CHCHD3: variants seen among roughly 807,000 people sequenced by gnomAD.
CHCHD3 encodes the protein coiled-coil-helix-coiled-coil-helix domain containing 3, also known as MICOS complex subunit MIC19.
CHCHD3 carries 20 observed loss-of-function variants against 38.2 expected under a neutral mutation model. The ratio of observed to expected loss-of-function variants is 0.52; its 90% CI spans 0.37 to 0.76. CHCHD3 has a LOEUF of 0.76. CHCHD3 is among the 30% of genes least tolerant of loss of function. The probability of loss-of-function intolerance (pLI) is 0.00; values close to 1 mark genes in which losing one functional copy is unlikely to be tolerated. For missense variants in CHCHD3, 245 were observed against 279.2 expected (o/e 0.88, Z 0.87); for synonymous variants, 82 against 100.0 (o/e 0.82, Z 1.07).
chr7:133,008,850 C>T (rs940642394), intron 3 of CHCHD3, among the ~76,000 whole-genome samples: 2 of 151,990 alleles, frequency 1.3e-5, no homozygotes, highest in African/African-American at 4.8e-5. Flanking sequence ...TTTTCTCTCA[C>T]TTTGTTCCCT....
intron 6 of CHCHD3, among the ~76,000 whole-genome samples, chr7:132,826,738 T>C (rs1807518501): frequency 6.6e-6 from 1 of 152,202 alleles, no homozygotes; most frequent in African/African-American, 2.4e-5. Context: ...ACTCAATAAA[T>C]AGTATGAACA....
intron 4 of CHCHD3, among the ~76,000 whole-genome samples, chr7:132,908,994 G>A (rs965164995): frequency 6.6e-6 from 1 of 152,056 alleles, no homozygotes; most frequent in Non-Finnish European, 1.5e-5. Flanking sequence ...CCCGGTAAGA[G>A]GTAATTGAAT....
At chr7:132,930,140 T>G (rs1197405536) in intron 4 of CHCHD3, among the ~76,000 whole-genome samples, 1 of 151,424 alleles carries the variant, frequency 6.6e-6, no homozygotes, top group Non-Finnish European at 1.5e-5. Context: ...ACTCACTTCC[T>G]CCTTCTTAAC....
chr7:133,018,875 C>T (rs1260986832), intron 3 of CHCHD3, among the ~76,000 whole-genome samples: 31 of 70,162 alleles, frequency 4.4e-4, no homozygotes, highest in Admixed American at 1.4e-3. Context: ...CATGATTTCT[C>T]TTTTTTTTTT....
intron 6 of CHCHD3, among the ~76,000 whole-genome samples, chr7:132,821,788 C>T (rs1156274504): frequency 7.4e-6 from 1 of 135,720 alleles, no homozygotes; most frequent in Non-Finnish European, 1.5e-5. Flanking sequence ...CGGAGTCTCG[C>T]TCTGTCGTCC....
intron 4 of CHCHD3, among the ~76,000 whole-genome samples, chr7:132,935,215 A>G (rs1408795187): frequency 6.6e-6 from 1 of 152,258 alleles, no homozygotes; most frequent in Non-Finnish European, 1.5e-5. Context: ...TAGAAGTACA[A>G]GTACCTGAGG....
In CHCHD3 at chr7:132,998,792, A is replaced by G. The variant is rs182662025; in HGVS notation, c.252-23506T>C. Among the ~76,000 whole-genome samples, 34 of 152,330 alleles carry G rather than the reference A, an allele frequency of 2.2e-4. 1 individual carries two copies. Among genetic ancestry groups the G allele is most frequent in the Admixed American group, 1.8e-3 (27 of 15,296 alleles). ...AAGTACCTAATCTAAAATATCACAC[A>G]GCAAAGTTGGTCAATGAGTCAATTT... On this transcript the variant is annotated intron_variant, in intron 3 of 7. Transcript: ENST00000262570.
intron 3 of CHCHD3, among the ~76,000 whole-genome samples, chr7:132,986,145 A>C (rs1282910146): frequency 6.6e-6 from 1 of 150,500 alleles, no homozygotes; most frequent in Non-Finnish European, 1.5e-5. Flanking sequence ...GTGTCCACTC[A>C]GGGTTGAATG....
intron 4 of CHCHD3, among the ~76,000 whole-genome samples, chr7:132,931,590 T>C (rs1023028626): frequency 1.3e-5 from 2 of 152,222 alleles, no homozygotes; most frequent in Admixed American, 6.5e-5. Context: ...CGTATAATTT[T>C]AGGCATTAAT....
intron 6 of CHCHD3, among the ~76,000 whole-genome samples, chr7:132,797,804 G>A (rs1456743995): frequency 1.3e-5 from 2 of 151,972 alleles, no homozygotes; most frequent in Admixed American, 6.6e-5. Flanking sequence ...TACGAATGAA[G>A]GTAAAATATT....
At chr7:132,941,471 C>A (rs1254198183) in intron 4 of CHCHD3, among the ~76,000 whole-genome samples, 1 of 152,136 alleles carries the variant, frequency 6.6e-6, no homozygotes, top group Non-Finnish European at 1.5e-5. Context: ...AGCCACCCAC[C>A]ATAACAGCCA....
intron 2 of CHCHD3, among the ~76,000 whole-genome samples, chr7:133,060,779 G>C (rs555874594): frequency 6.6e-6 from 1 of 152,058 alleles, no homozygotes; most frequent in Non-Finnish European, 1.5e-5. Flanking sequence ...GCGTGGTGGC[G>C]GGAGCCTGTA....
At chr7:132,975,653 C>T (rs757116470) in intron 3 of CHCHD3, among the ~76,000 whole-genome samples, 31 of 152,266 alleles carry the variant, frequency 2.0e-4, no homozygotes, top group African/African-American at 4.8e-4. Context: ...CTAGGCCAGG[C>T]GTGGTGGCAG....
At chr7:132,972,582 T>G (rs552528939) in intron 4 of CHCHD3, 1 of 985,276 alleles carries the variant, frequency 1.0e-6, no homozygotes, top group East Asian at 1.1e-4. Context: ...GGGAGAAATC[T>G]GGTAAATAAA....
intron 5 of CHCHD3, among the ~76,000 whole-genome samples, chr7:132,880,528 C>T (rs562681617): frequency 4.7e-4 from 71 of 152,264 alleles, no homozygotes; most frequent in Admixed American, 1.0e-3. Context: ...TAAAACTATA[C>T]ACTAATTGCA....
intron 4 of CHCHD3, among the ~76,000 whole-genome samples, chr7:132,901,337 C>A (rs991791225): frequency 6.6e-6 from 1 of 151,876 alleles, no homozygotes; most frequent in Non-Finnish European, 1.5e-5. Context: ...GCTCAAAGCA[C>A]GAGTCATCTG....
At chr7:132,820,442 G>A (rs1405263346) in intron 6 of CHCHD3, among the ~76,000 whole-genome samples, 2 of 152,118 alleles carry the variant, frequency 1.3e-5, no homozygotes, top group Admixed American at 6.5e-5. Flanking sequence ...CTGGAAGGGA[G>A]GGAGGCTTCT....
intron 4 of CHCHD3, among the ~76,000 whole-genome samples, chr7:132,917,855 T>C (rs1307727825): frequency 8.4e-5 from 2 of 23,870 alleles, no homozygotes; most frequent in African/African-American, 2.8e-4. Context: ...TGAGACTCCA[T>C]CTCAAAAAAA....
intron 4 of CHCHD3, among the ~76,000 whole-genome samples, chr7:132,929,239 T>G (rs1367298926): frequency 1.3e-5 from 2 of 152,182 alleles, no homozygotes; most frequent in Non-Finnish European, 2.9e-5. Flanking sequence ...AGTTTCTCAC[T>G]GAGGCTCATT....
Sources: gnomAD v4.1 joint callset for allele counts (sites outside exome capture counted in the v4.1 genomes callset) on GRCh38, gnomAD v4.1.1 for gene constraint, MANE v1.5 for transcripts, NCBI Gene and HGNC (gene_info 2026-07-23, HGNC 2026-07-21) for gene names.